The following CHUK variants were observed in gnomAD, a reference collection of about 807,000 sequenced individuals.
CHUK encodes the protein inhibitor of nuclear factor kappa-B kinase subunit alpha.
Under a neutral mutation model 104.8 loss-of-function variants are expected in CHUK, and 35 were observed. The observed-to-expected ratio is 0.33, with a 90% CI of 0.26 to 0.44. The LOEUF is 0.44. Among genes scored for constraint, CHUK ranks in the 20% least tolerant of loss-of-function variants. The pLI is 1.00. For missense variants in CHUK, 663 were observed against 902.7 expected (o/e 0.73, Z 3.40); for synonymous variants, 276 against 291.9 (o/e 0.95, Z 0.56).
intron 9 of CHUK, among the ~76,000 whole-genome samples, chr10:100,213,133 G>A (rs1269686653): frequency 1.3e-5 from 2 of 151,912 alleles, no homozygotes; most frequent in African/African-American, 4.8e-5. Flanking sequence ...ACTACACAGT[G>A]CATGTATTGA....
intron 9 of CHUK, among the ~76,000 whole-genome samples, chr10:100,213,846 C>T (rs1845791905): frequency 6.6e-6 from 1 of 152,148 alleles, no homozygotes; most frequent in Non-Finnish European, 1.5e-5. Flanking sequence ...AAAAGAAATA[C>T]CAAACTGTTT....
intron 13 of CHUK, 148 bp from the exon 14 acceptor site, chr10:100,202,297 A>G: frequency 3.0e-6 from 2 of 675,910 alleles, no homozygotes. Flanking sequence ...AACCCCTAAT[A>G]CCTCAGAATG....
intron 4 of CHUK, 119 bp from the exon 5 acceptor site, chr10:100,220,795 T>C: frequency 4.4e-6 from 3 of 687,340 alleles, no homozygotes; most frequent in Non-Finnish European, 7.8e-6. Flanking sequence ...TCATCGTAAC[T>C]ACACAACTAA....
intron 16 of CHUK, among the ~76,000 whole-genome samples, chr10:100,199,288 CT>C (rs1361514048): frequency 6.6e-6 from 1 of 152,124 alleles, no homozygotes; most frequent in Non-Finnish European, 1.5e-5. Flanking sequence ...CATTCCATAC[CT>C]GAACCCACTG....
intron 4 of CHUK, 104 bp downstream of exon 4, chr10:100,222,008 T>C (rs1041867905): frequency 9.1e-6 from 6 of 660,206 alleles, no homozygotes; most frequent in African/African-American, 5.5e-5. Flanking sequence ...TGAAATTCTA[T>C]AGACTTTGTA....
intron 3 of CHUK, among the ~76,000 whole-genome samples, chr10:100,222,524 C>T (rs1156585582): frequency 6.6e-6 from 1 of 152,158 alleles, no homozygotes; most frequent in Admixed American, 6.6e-5. Context: ...CTGAAATTTT[C>T]ATCTAACACC....
chr10:100,191,135 G>C (rs911216797), intron 19 of CHUK, among the ~76,000 whole-genome samples, 167 bp from the exon 20 acceptor site: 3 of 152,172 alleles, frequency 2.0e-5, no homozygotes, highest in African/African-American at 7.2e-5. Context: ...CCCTACAGAG[G>C]CAGAGTCCTG....
intron 19 of CHUK, among the ~76,000 whole-genome samples, chr10:100,191,688 A>T (rs1845208917): frequency 6.6e-6 from 1 of 152,194 alleles, no homozygotes; most frequent in South Asian, 2.1e-4. Context: ...TAGGTCATGG[A>T]TGATAGCCAC....
chr10:100,209,040 TCA>T (rs2134228409), intron 10 of CHUK, among the ~76,000 whole-genome samples: 1 of 152,260 alleles, frequency 6.6e-6, no homozygotes, highest in South Asian at 2.1e-4. Flanking sequence ...ATAAGGGTAA[TCA>T]CCCCAGCACC....
chr10:100,202,950 T>C (rs1226761638), intron 13 of CHUK, among the ~76,000 whole-genome samples: 1 of 152,138 alleles, frequency 6.6e-6, no homozygotes, highest in Non-Finnish European at 1.5e-5. Context: ...AGAGATGGCG[T>C]TCTACCCCAT....
intron 9 of CHUK, among the ~76,000 whole-genome samples, chr10:100,214,164 C>A (rs142952593): frequency 1.3e-5 from 2 of 152,206 alleles, no homozygotes; most frequent in East Asian, 1.9e-4. Context: ...TACCAAAGCT[C>A]CAGGCCAGAA....
chr10:100,195,820 T>C (rs564425973), intron 16 of CHUK: 5 of 152,360 alleles, frequency 3.3e-5, no homozygotes, highest in Admixed American at 6.5e-5. Flanking sequence ...TGGGTAGCAG[T>C]TTATTTCTGA....
chr10:100,209,585 AT>A lies in CHUK; in HGVS notation c.1128+9del. The stretch of plus-strand genomic sequence containing the variant: ...ACATACTCTAGGGATATTATAATTA[AT>A]TTTCTTACAACTCCATCTAGAACAC... On this transcript the variant is annotated intron_variant, in intron 10 of 20. Transcript: ENST00000370397. 1 of 1,540,202 alleles carries A rather than the reference AT, an allele frequency of 6.5e-7. No individual in the cohort carries two copies. Among genetic ancestry groups the A allele is most frequent in the Non-Finnish European group, 9.0e-7 (1 of 1,112,974 alleles).
Position 100,219,071 on chromosome 10 carries a change from G to T in CHUK, c.626C>A (p.Thr209Asn), listed in dbSNP as rs779308591. The change falls in exon 7 of 21, where the codon ACC becomes AAC. Residue 209 changes from threonine to asparagine, a missense_variant. This residue lies in a region of CHUK where 200 missense variants were observed against 333.0 expected (regional missense o/e 0.60). Transcript: ENST00000370397. ...TATVDYWSFG[T>N]MVFECIAGYR... ...TCCAGCAATACATTCAAATACCATG[G>T]TCCCAAAGCTCCAATAATCAACAGT... is the stretch of plus-strand genomic sequence containing the variant. 4.3e-6 allele frequency: 7 copies of T among 1,613,432 alleles called. No individual in the cohort carries two copies. The highest frequency in any genetic ancestry group is 5.9e-6 in the Non-Finnish European group (7 of 1,179,420).
At chr10:100,219,460 A>T (rs1183470384) in intron 5 of CHUK, 101 bp from the exon 6 acceptor site, 6 of 729,492 alleles carry the variant, frequency 8.2e-6, no homozygotes, top group Non-Finnish European at 1.5e-5. Flanking sequence ...AGTGGTGAGG[A>T]CCTTGGGCTC....
At chr10:100,192,580 T>C (rs1845229809) in intron 19 of CHUK, 2 of 985,048 alleles carry the variant, frequency 2.0e-6, no homozygotes. Context: ...AAACTAATTA[T>C]GGGCAGAGCT....
chr10:100,226,037 A>G lies in CHUK; in HGVS notation c.106-20T>C, dbSNP rs761251183. The G allele has an allele frequency of 7.7e-5, 110 of 1,425,660 alleles. No homozygotes were observed. The highest frequency in any genetic ancestry group is 5.0e-6 in the Non-Finnish European group (5 of 1,008,518). The allele number at this position is 1,425,660 out of a possible 1,614,324, so 88.3% of individuals were successfully genotyped here. ...AAGTTCCTGCCAAAATAGAAAATCA[A>G]CAGAAAAAAAAAATTAGGTTCTTGT... is the stretch of plus-strand genomic sequence containing the variant. On this transcript the variant is annotated intron_variant, in intron 1 of 20. Coordinates refer to ENST00000370397, the MANE Select transcript of CHUK (RefSeq NM_001278.5).
chr10:100,217,848 G>A (rs551092997), intron 9 of CHUK, 147 bp downstream of exon 9: 108 of 855,610 alleles, frequency 1.3e-4, no homozygotes, highest in Non-Finnish European at 1.9e-4. Context: ...CTGCACTCCA[G>A]CCTAGGTGAC....
At chr10:100,210,367 G>A (rs1487667645) in intron 9 of CHUK, among the ~76,000 whole-genome samples, 6 of 152,138 alleles carry the variant, frequency 3.9e-5, no homozygotes, top group East Asian at 3.9e-4. Flanking sequence ...GATTACAGGC[G>A]TGAGCCACCG....
Sources: allele counts gnomAD v4.1 joint callset (sites outside exome capture counted in the v4.1 genomes callset), GRCh38; gene constraint gnomAD v4.1.1; regional missense constraint gnomAD v4.1.1; transcripts MANE v1.5; gene names NCBI Gene and HGNC (gene_info 2026-07-23, HGNC 2026-07-21).